The following PARP11 variants were observed in gnomAD, a reference collection of about 807,000 sequenced individuals.
PARP11 encodes the protein protein mono-ADP-ribosyltransferase PARP11.
Under a neutral mutation model 42.9 loss-of-function variants are expected in PARP11, and 31 were observed. The ratio of observed to expected loss-of-function variants is 0.72; its 90% CI spans 0.54 to 0.98. The LOEUF is 0.98. Ranked by LOEUF, PARP11 falls within the 50% of genes least tolerant of loss-of-function variation. PARP11 has a pLI of 0.00. For missense variants in PARP11, 365 were observed against 413.1 expected (o/e 0.88, Z 1.01); for synonymous variants, 137 against 127.3 (o/e 1.08, Z -0.51).
intron 6 of PARP11, among the ~76,000 whole-genome samples, chr12:3,816,970 T>G (rs1591758621): frequency 1.3e-5 from 2 of 152,098 alleles, no homozygotes; most frequent in East Asian, 3.9e-4. Flanking sequence ...GGTGGGCGGA[T>G]CACGAGGTCA....
At chr12:3,872,433 G>A (rs1196369791) in intron 1 of PARP11, 6 of 781,548 alleles carry the variant, frequency 7.7e-6, no homozygotes, top group Non-Finnish European at 9.3e-6. Flanking sequence ...TAAAGTTTTC[G>A]GCCCCTACGT....
intron 1 of PARP11, chr12:3,839,948 C>T (rs914753589): frequency 8.1e-7 from 1 of 1,235,538 alleles, no homozygotes; most frequent in African/African-American, 1.5e-5. Context: ...ACTGCTGTTG[C>T]TGCTGCTGAT....
In PARP11 at chr12:3,811,790, T is replaced by A. The variant is rs1380287865; in HGVS notation, c.*333A>T. On this transcript the variant is annotated 3_prime_UTR_variant, in exon 8 of 8. Transcript: ENST00000228820. ...ATAAGTCTATTTAAACTAAAATCAT[T>A]TATCCTGATAACACACACGTAAACT... The A allele has an allele frequency of 1.3e-5, 3 of 232,876 alleles. No homozygotes were observed. Among genetic ancestry groups the A allele is most frequent in the Non-Finnish European group, 1.6e-5 (2 of 122,170 alleles). 14.4% of individuals were successfully genotyped at this position (232,876 alleles called of 1,614,324 possible).
chr12:3,848,990 A>T (rs1948047962), intron 1 of PARP11, among the ~76,000 whole-genome samples: 1 of 152,106 alleles, frequency 6.6e-6, no homozygotes, highest in African/African-American at 2.4e-5. Context: ...AATCCAATTT[A>T]AAAATGGGCA....
At chr12:3,815,089 A>C in intron 6 of PARP11, 1 of 456,588 alleles carries the variant, frequency 2.2e-6, no homozygotes, top group South Asian at 1.5e-5. Flanking sequence ...CAAGTATCAA[A>C]ATGTTAAATC....
chr12:3,869,200 C>G (rs1354385585), intron 1 of PARP11, among the ~76,000 whole-genome samples: 6 of 152,182 alleles, frequency 3.9e-5, no homozygotes, highest in Admixed American at 3.9e-4. Context: ...TTAAGGTCAG[C>G]TGATTAGCTA....
At chr12:3,839,624 C>A in intron 1 of PARP11, 1 of 1,042,078 alleles carries the variant, frequency 9.6e-7, no homozygotes, top group Non-Finnish European at 1.5e-6. Flanking sequence ...GAAATAAGTG[C>A]CCTTTCTCTT....
intron 1 of PARP11, chr12:3,841,249 C>G: frequency 4.2e-6 from 6 of 1,420,330 alleles, no homozygotes; most frequent in Non-Finnish European, 5.0e-6. Context: ...GGAGGACCTA[C>G]CTAAAGATAA....
intron 1 of PARP11, among the ~76,000 whole-genome samples, chr12:3,844,909 A>G (rs1284615474): frequency 6.6e-6 from 1 of 152,248 alleles, no homozygotes; most frequent in Admixed American, 6.5e-5. Flanking sequence ...AGGTCAAACT[A>G]AGGCTAAGCA....
intron 4 of PARP11, among the ~76,000 whole-genome samples, chr12:3,823,676 G>C (rs1198365379): frequency 6.6e-6 from 1 of 152,216 alleles, no homozygotes; most frequent in Non-Finnish European, 1.5e-5. Context: ...AACACTTTGG[G>C]AGGCAGAGGC....
chr12:3,820,899 A>G (rs1240085882), intron 6 of PARP11, among the ~76,000 whole-genome samples: 3 of 152,228 alleles, frequency 2.0e-5, no homozygotes. Context: ...AAAACCTGAA[A>G]TGTACGCAGG....
chr12:3,814,168 T>C lies in PARP11; in HGVS notation c.569A>G (p.Lys190Arg), dbSNP rs1417311474. The change falls in exon 7 of 8, where the codon AAA (lysine) becomes AGA (arginine). Residue 190 changes from lysine (K) to arginine (R), a missense_variant. Lys to Arg is a conservative substitution (Grantham distance 26). Coordinates refer to ENST00000228820, the MANE Select transcript of PARP11 (RefSeq NM_020367.6). The part of the protein sequence containing the change: ...FFCRKKAQLK[K>R]KRGVPQINEQ... ...ATTAATCTGAGGCACACCTCTTTTT[T>C]TCTTGAGCTGAGCCTTTTTCCTAAA... is the stretch of plus-strand genomic sequence containing the variant. The C allele has an allele frequency of 2.5e-6, 4 of 1,602,798 alleles. No homozygotes were observed. The highest frequency in any genetic ancestry group is 3.4e-5 in the Admixed American group (2 of 59,302).
Position 3,873,393 on chromosome 12 carries a change from A to G in PARP11, c.-164T>C. ...CCCTCCCTGTCACAAGCCAGCGTTT[A>G]CAGACCACCCAACCTCCCGACTTCC... On this transcript the variant is annotated 5_prime_UTR_variant, in exon 1 of 8. Transcript: ENST00000228820. 1.5e-6 allele frequency: 1 copy of G among 675,438 alleles called. No homozygotes were observed. The highest frequency in any genetic ancestry group is 2.6e-6 in the Non-Finnish European group (1 of 379,470). 41.8% of individuals were successfully genotyped at this position (675,438 alleles called of 1,614,324 possible).
intron 7 of PARP11, among the ~76,000 whole-genome samples, chr12:3,812,721 A>T (rs1947207832): frequency 6.6e-6 from 1 of 152,222 alleles, no homozygotes; most frequent in Non-Finnish European, 1.5e-5. Context: ...TTCTGTTTTT[A>T]AAATAAATCT....
At chr12:3,818,372 A>G (rs1947332410) in intron 6 of PARP11, among the ~76,000 whole-genome samples, 1 of 152,194 alleles carries the variant, frequency 6.6e-6, no homozygotes, top group Non-Finnish European at 1.5e-5. Context: ...ATCTGTAAAC[A>G]TAACTGGACC....
chr12:3,842,487 G>A, intron 1 of PARP11: 1 of 1,604,780 alleles, frequency 6.2e-7, no homozygotes, highest in Non-Finnish European at 8.5e-7. Flanking sequence ...GATCAGGGAT[G>A]GGAGATGGCC....
chr12:3,850,631 T>C (rs1252632864), intron 1 of PARP11, among the ~76,000 whole-genome samples: 1 of 152,096 alleles, frequency 6.6e-6, no homozygotes, highest in East Asian at 1.9e-4. Context: ...CCAATATCTA[T>C]GTGCATTACT....
chr12:3,820,858 GC>G (rs1947378043), intron 6 of PARP11, among the ~76,000 whole-genome samples: 1 of 152,132 alleles, frequency 6.6e-6, no homozygotes, highest in African/African-American at 2.4e-5. Context: ...CAAGCTGAAA[GC>G]CCCTTATTAC....
At chr12:3,831,896 T>A (rs1235878499) in intron 1 of PARP11, among the ~76,000 whole-genome samples, 1 of 152,054 alleles carries the variant, frequency 6.6e-6, no homozygotes, top group East Asian at 1.9e-4. Context: ...CATTTAACTG[T>A]GAGAAAGAGA....
Sources: allele counts gnomAD v4.1 joint callset (sites outside exome capture counted in the v4.1 genomes callset), GRCh38; gene constraint gnomAD v4.1.1; transcripts MANE v1.5; gene names NCBI Gene and HGNC (gene_info 2026-07-23, HGNC 2026-07-21).